CLDN16: variants seen among roughly 807,000 people sequenced by gnomAD.
CLDN16 encodes claudin-16.
CLDN16 carries 13 observed loss-of-function variants against 24.6 expected under a neutral mutation model. That is an observed-to-expected ratio of 0.53 (90% CI 0.34 to 0.84). The LOEUF is 0.84. Among genes scored for constraint, CLDN16 ranks in the 40% least tolerant of loss-of-function variants. The pLI, the probability that CLDN16 is intolerant of heterozygous loss-of-function variation, is 0.01. For synonymous variants in CLDN16, 116 were observed against 106.7 expected (o/e 1.09, Z -0.54); for missense variants, 298 against 292.7 (o/e 1.02, Z -0.13).
At chr3:190,339,043 C>T (rs1036710183) in intron 1 of CLDN16, among the ~76,000 whole-genome samples, 1 of 152,082 alleles carries the variant, frequency 6.6e-6, no homozygotes, top group Non-Finnish European at 1.5e-5. Context: ...AGGGATAAGA[C>T]AGTGCAGCTC....
chr3:190,347,218 T>A (rs924701457), intron 1 of CLDN16, among the ~76,000 whole-genome samples: 3 of 152,188 alleles, frequency 2.0e-5, no homozygotes, highest in African/African-American at 7.2e-5. Flanking sequence ...AACGTATAGA[T>A]GATTCTGATA....
intron 1 of CLDN16, among the ~76,000 whole-genome samples, chr3:190,397,149 A>G (rs2108664628): frequency 6.6e-6 from 1 of 152,156 alleles, no homozygotes; most frequent in East Asian, 1.9e-4. Context: ...GCAACTAATT[A>G]AGAGATTTTT....
intron 1 of CLDN16, among the ~76,000 whole-genome samples, chr3:190,365,589 C>G (rs187491169): frequency 2.7e-5 from 4 of 149,778 alleles, no homozygotes; most frequent in Admixed American, 6.7e-5. Context: ...AACTCTAATA[C>G]TATTTTCCAG....
At chr3:190,404,983 G>A (rs1195876183) in intron 3 of CLDN16, 57 bp downstream of exon 3, 1 of 1,543,262 alleles carries the variant, frequency 6.5e-7, no homozygotes, top group Non-Finnish European at 9.0e-7. Flanking sequence ...AGGGCTTGAG[G>A]TGAAGGAGAG....
At chr3:190,307,342 G>T in the CLDN16 span, 1 of 152,094 alleles carries the variant, frequency 6.6e-6, no homozygotes, top group Non-Finnish European at 1.5e-5. Context: ...TAGTTTAGGG[G>T]GATATAAAAC....
chr3:190,388,337 ATCT>A lies in CLDN16; in HGVS notation c.14_16del (p.Leu5del). 6.2e-7 allele frequency: 1 copy of A among 1,614,050 alleles called. No homozygotes were observed. Among genetic ancestry groups the A allele is most frequent in the Non-Finnish European group, 8.5e-7 (1 of 1,179,994 alleles). On this transcript the variant is annotated inframe_deletion, in exon 1 of 5. Coordinates refer to ENST00000264734, the MANE Select transcript of CLDN16 (RefSeq NM_006580.4). ...GATGGGCTGCTTGCCACAATGAGGGATCTTCTTCAATACATCGCTTGCTTCTTT... is the reference window on the plus strand; with the variant it reads ...GATGGGCTGCTTGCCACAATGAGGGATCTTCAATACATCGCTTGCTTCTTT...
chr3:190,323,023 C>G (rs1261530884), intron 1 of CLDN16, among the ~76,000 whole-genome samples: 1 of 150,024 alleles, frequency 6.7e-6, no homozygotes, highest in Non-Finnish European at 1.5e-5. Flanking sequence ...CACACACACA[C>G]ACACAGACAC....
At chr3:190,403,447 T>G (rs1719011879) in intron 2 of CLDN16, among the ~76,000 whole-genome samples, 1 of 152,220 alleles carries the variant, frequency 6.6e-6, no homozygotes, top group Admixed American at 6.5e-5. Flanking sequence ...TCAATCCTTC[T>G]CCATAGTGTT....
rs574815310 is a variant in CLDN16, at chr3:190,390,615, TAA to T, written c.114+2174_114+2175del. Among the ~76,000 whole-genome samples, 155 of 152,294 alleles carry T rather than the reference TAA, an allele frequency of 1.0e-3. 1 individual carries two copies. The highest frequency in any genetic ancestry group is 3.5e-3 in the African/African-American group (147 of 41,570). ...CAATCTCTTTAGTTGTCAATATTTT[TAA>T]AGAGACAATAATCTCTTATAATAAT... On this transcript the variant is annotated intron_variant, in intron 1 of 4. Coordinates refer to ENST00000264734, the MANE Select transcript of CLDN16 (RefSeq NM_006580.4).
the CLDN16 span, among the ~76,000 whole-genome samples, chr3:190,315,357 C>G: frequency 6.6e-6 from 1 of 152,254 alleles, no homozygotes; most frequent in South Asian, 2.1e-4. Flanking sequence ...ATTGGGAGAG[C>G]TGGTCATCCT....
At chr3:190,321,485 G>A (rs993725834), upstream of CLDN16, among the ~76,000 whole-genome samples, 1 of 152,208 alleles carries the variant, frequency 6.6e-6, no homozygotes, top group African/African-American at 2.4e-5. Context: ...CAGTAGGAAT[G>A]TAACTTTTAC....
chr3:190,366,973 C>A (rs1718037963), intron 1 of CLDN16, among the ~76,000 whole-genome samples: 1 of 151,860 alleles, frequency 6.6e-6, no homozygotes. Flanking sequence ...CTTAAAATTG[C>A]CCCAAAGCAG....
intron 1 of CLDN16, among the ~76,000 whole-genome samples, 180 bp downstream of exon 1, chr3:190,388,623 A>G (rs1039811835): frequency 2.6e-5 from 4 of 152,202 alleles, no homozygotes; most frequent in African/African-American, 9.6e-5. Context: ...TTAATTTATG[A>G]GGTAGGTCTT....
the CLDN16 span, among the ~76,000 whole-genome samples, chr3:190,315,505 T>C: frequency 6.6e-6 from 1 of 152,200 alleles, no homozygotes; most frequent in Non-Finnish European, 1.5e-5. Flanking sequence ...TATGATTATC[T>C]TGAGAAAGGG....
At chr3:190,382,366 T>G (rs983590130) in intron 3 of CLDN16, among the ~76,000 whole-genome samples, 2 of 152,132 alleles carry the variant, frequency 1.3e-5, no homozygotes, top group African/African-American at 4.8e-5. Flanking sequence ...TGATGAATGA[T>G]TCACTGAGTA....
the CLDN16 span, among the ~76,000 whole-genome samples, chr3:190,316,557 C>A: frequency 6.6e-6 from 1 of 152,168 alleles, no homozygotes; most frequent in East Asian, 1.9e-4. Flanking sequence ...CAGATCAAAT[C>A]TAAATTGCAC....
At chr3:190,376,138 T>G (rs1000811411) in intron 3 of CLDN16, among the ~76,000 whole-genome samples, 1 of 151,878 alleles carries the variant, frequency 6.6e-6, no homozygotes, top group African/African-American at 2.4e-5. Flanking sequence ...GACTTCAGAA[T>G]ATGTTGTGCT....
intron 1 of CLDN16, among the ~76,000 whole-genome samples, chr3:190,351,300 T>C (rs939584158): frequency 6.6e-6 from 1 of 152,272 alleles, no homozygotes; most frequent in African/African-American, 2.4e-5. Flanking sequence ...CCGGTGTTCC[T>C]TTACAGCAAT....
At chr3:190,323,313 C>T (rs1421123453) in intron 1 of CLDN16, among the ~76,000 whole-genome samples, 1 of 152,136 alleles carries the variant, frequency 6.6e-6, no homozygotes, top group Non-Finnish European at 1.5e-5. Flanking sequence ...TGTTGTTCGT[C>T]GCAGGTGAGG....
Sources: allele counts gnomAD v4.1 joint callset (sites outside exome capture counted in the v4.1 genomes callset), GRCh38; gene constraint gnomAD v4.1.1; transcripts MANE v1.5; gene names NCBI Gene and HGNC (gene_info 2026-07-23, HGNC 2026-07-21).